The following PCDHA10 variants were observed in gnomAD, a reference collection of about 807,000 sequenced individuals.
PCDHA10 encodes the protein protocadherin alpha 10, also known as protocadherin alpha-10.
A neutral mutation model predicts 61.2 loss-of-function variants in PCDHA10; 45 were observed. The observed-to-expected ratio is 0.74, with a 90% CI of 0.58 to 0.94. The LOEUF is 0.94. Ranked by LOEUF, PCDHA10 falls within the 40% of genes least tolerant of loss-of-function variation. The probability of loss-of-function intolerance (pLI) is 0.00; values close to 1 mark genes in which losing one functional copy is unlikely to be tolerated. For missense variants in PCDHA10, 1,278 were observed against 1,236.2 expected (o/e 1.03, Z -0.51); for synonymous variants, 602 against 548.8 (o/e 1.10, Z -1.35).
At chr5:140,866,241 A>C (rs1554160141) in intron 1 of PCDHA10, 1 of 152,134 alleles carries the variant, frequency 6.6e-6, no homozygotes, top group African/African-American at 2.4e-5. Context: ...ATATACCAAA[A>C]ATGACACCCT....
chr5:140,928,231 C>T (rs2085058715), intron 1 of PCDHA10: 2 of 1,614,108 alleles, frequency 1.2e-6, no homozygotes, highest in South Asian at 2.2e-5. Context: ...AAACTTTCCT[C>T]AACCCCAGCA....
chr5:140,857,386 C>A lies in PCDHA10; in HGVS notation c.1338C>A (p.Asp446Glu). The A allele has an allele frequency of 1.3e-6, 2 of 1,598,422 alleles. No homozygotes were observed. The highest frequency in any genetic ancestry group is 1.7e-6 in the Non-Finnish European group (2 of 1,167,912). ...ATASVSVEVADVNDNAPAFAQ... is the reference protein window; with the variant it reads ...ATASVSVEVAEVNDNAPAFAQ... ...CCAGCGTGTCTGTGGAGGTGGCCGA[C>A]GTGAACGACAACGCGCCTGCGTTCG... The change falls in exon 1 of 4, where the codon GAC becomes GAA. Residue 446 changes from aspartate to glutamate, a missense_variant. By Grantham distance (45) the Asp-to-Glu change is conservative. Transcript: ENST00000307360.
intron 1 of PCDHA10, chr5:140,869,887 C>T (rs782219538): frequency 3.7e-6 from 6 of 1,610,056 alleles, no homozygotes; most frequent in Non-Finnish European, 3.4e-6. Flanking sequence ...AACTCTTGTG[C>T]TCAAACTAAA....
At chr5:140,933,928 T>G (rs1055877190) in intron 1 of PCDHA10, among the ~76,000 whole-genome samples, 1 of 152,080 alleles carries the variant, frequency 6.6e-6, no homozygotes, top group Non-Finnish European at 1.5e-5. Flanking sequence ...TGTCCTGTTG[T>G]GACTTTTTTT....
chr5:140,972,218 C>A (rs367920234), intron 1 of PCDHA10, among the ~76,000 whole-genome samples: 129 of 152,040 alleles, frequency 8.5e-4, no homozygotes, highest in Middle Eastern at 3.4e-3. Flanking sequence ...TGGCTCACTG[C>A]AGCCTCGACC....
At chr5:140,927,494 T>C (rs1235909927) in intron 1 of PCDHA10, 5 of 1,614,018 alleles carry the variant, frequency 3.1e-6, no homozygotes, top group Non-Finnish European at 4.2e-6. Context: ...ACCCACCTGC[T>C]GGTGCTTACA....
chr5:140,954,016 A>G (rs246027), intron 1 of PCDHA10, among the ~76,000 whole-genome samples: 85,628 of 151,968 alleles, frequency 0.56, 24,747 homozygotes, highest in African/African-American at 0.69. Context: ...GCTCCCACAC[A>G]TAGTGGGACG....
intron 1 of PCDHA10, chr5:140,861,087 C>T (rs1554154139): frequency 6.6e-6 from 1 of 152,266 alleles, no homozygotes; most frequent in African/African-American, 2.4e-5. Flanking sequence ...AAAGAAGCTC[C>T]ATTGTTCCTG....
At chr5:140,937,927 A>AT (rs201742095) in intron 1 of PCDHA10, among the ~76,000 whole-genome samples, 1 of 149,222 alleles carries the variant, frequency 6.7e-6, no homozygotes, top group Non-Finnish European at 1.5e-5. Flanking sequence ...AAAAAAAAAA[A>AT]GTTTAATTTG....
chr5:140,967,698 A>T, intron 1 of PCDHA10: 1 of 1,614,174 alleles, frequency 6.2e-7, no homozygotes, highest in Non-Finnish European at 8.5e-7. Context: ...TTCAGCATAG[A>T]TGCCAGTACC....
chr5:140,898,808 C>T (rs1318586303), intron 1 of PCDHA10, among the ~76,000 whole-genome samples: 2 of 152,188 alleles, frequency 1.3e-5, no homozygotes, highest in Non-Finnish European at 2.9e-5. Context: ...GATACTGATT[C>T]TTCCTACCCA....
intron 1 of PCDHA10, among the ~76,000 whole-genome samples, chr5:140,873,019 T>C (rs1453965744): frequency 6.6e-6 from 1 of 152,206 alleles, no homozygotes; most frequent in Non-Finnish European, 1.5e-5. Flanking sequence ...TATTTAGTTA[T>C]TCTTACTACA....
rs559667430 is a variant in PCDHA10, at chr5:140,857,913, G to A, written c.1865G>A (p.Arg622His). The A allele has an allele frequency of 6.3e-7, 1 of 1,597,802 alleles. No homozygotes were observed. The highest frequency in any genetic ancestry group is 2.2e-5 in the East Asian group (1 of 44,828). ...SAAVGARIPFRVGLYTGEIST... is the reference protein window; with the variant it reads ...SAAVGARIPFHVGLYTGEIST... Reference sequence around the variant, plus strand: ...GCGGTTGGTGCACGCATCCCGTTTCGCGTGGGGCTGTACACGGGCGAGATC... The same window carrying A: ...GCGGTTGGTGCACGCATCCCGTTTCACGTGGGGCTGTACACGGGCGAGATC... The change falls in exon 1 of 4, where the codon CGC becomes CAC. Residue 622 changes from arginine (R) to histidine (H), a missense_variant. Arg to His is a conservative substitution (Grantham distance 29). Transcript: ENST00000307360.
At chr5:141,000,993 C>A (rs1273666357) in intron 3 of PCDHA10, among the ~76,000 whole-genome samples, 1 of 151,964 alleles carries the variant, frequency 6.6e-6, no homozygotes, top group Non-Finnish European at 1.5e-5. Context: ...AATAAATATG[C>A]TTTAAATATG....
rs375305711 is a variant in PCDHA10 at position 140,857,742 on chromosome 5, T to C, written c.1694T>C (p.Leu565Pro). 63 of 1,597,390 alleles carry C rather than the reference T, an allele frequency of 3.9e-5. No homozygotes were observed. In the East Asian group the frequency reaches 5.1e-4, roughly 13 times the overall value. Residue 565 changes from leucine (L) to proline (P), a missense_variant, in exon 1 of 4, where the codon CTG becomes CCG. Coordinates refer to ENST00000307360, the MANE Select transcript of PCDHA10 (RefSeq NM_018901.4). Reference sequence around the variant, plus strand: ...GAGAACGACAACGCTCCCGCGCTGCTGGCGTCTCCCGCTGGCAGCGCGGGC... The same window carrying C: ...GAGAACGACAACGCTCCCGCGCTGCCGGCGTCTCCCGCTGGCAGCGCGGGC... ...LDENDNAPAL[L>P]ASPAGSAGGA...
intron 1 of PCDHA10, among the ~76,000 whole-genome samples, chr5:140,902,760 T>G (rs887357298): frequency 1.4e-4 from 22 of 152,038 alleles, no homozygotes; most frequent in African/African-American, 5.3e-4. Context: ...ATCATTCTTA[T>G]GTCTTTGCAT....
Position 140,938,882 on chromosome 5 carries a change from C to T in PCDHA10, c.2389-40067C>T, listed in dbSNP as rs529115064. On this transcript the variant is annotated intron_variant, in intron 1 of 3. Transcript: ENST00000307360. ...AACTTAAAAGTTAAGAAGCAACACA[C>T]ACACACACAGATGCGCACACACACA... is the stretch of plus-strand genomic sequence containing the variant. Among the ~76,000 whole-genome samples the T allele has an allele frequency of 3.3e-5, 5 of 152,218 alleles. No individual in the cohort carries two copies. The South Asian group carries it at 1.0e-3, about 32-fold the overall frequency.
intron 1 of PCDHA10, chr5:140,966,543 A>C (rs200134570): frequency 6.5e-6 from 3 of 461,074 alleles, no homozygotes; most frequent in Admixed American, 4.3e-5. Context: ...AGCGACTCGG[A>C]GGCGAGCGGA....
At chr5:140,894,973 C>G (rs1297295605) in intron 1 of PCDHA10, among the ~76,000 whole-genome samples, 1 of 152,076 alleles carries the variant, frequency 6.6e-6, no homozygotes, top group Non-Finnish European at 1.5e-5. Context: ...TTTTTAATGT[C>G]TTACTTTGTG....
Sources: allele counts gnomAD v4.1 joint callset (sites outside exome capture counted in the v4.1 genomes callset), GRCh38; gene constraint gnomAD v4.1.1; transcripts MANE v1.5; gene names NCBI Gene and HGNC (gene_info 2026-07-23, HGNC 2026-07-21).